The following SGCD variants were observed in gnomAD, a reference collection of about 807,000 sequenced individuals.
SGCD encodes delta-sarcoglycan.
SGCD carries 18 observed loss-of-function variants against 36.6 expected under a neutral mutation model. That is an observed-to-expected ratio of 0.49 (90% CI 0.34 to 0.73). SGCD has a LOEUF of 0.73. SGCD is among the 30% of genes least tolerant of loss of function. SGCD has a pLI of 0.01. For synonymous variants in SGCD, 133 were observed against 130.6 expected, an observed-to-expected ratio of 1.02 and a Z score of -0.12; for missense variants, 387 against 346.7, an observed-to-expected ratio of 1.12 and a Z score of -0.92.
At chr5:156,444,106 CT>C (rs1753640975) in intron 3 of SGCD, among the ~76,000 whole-genome samples, 4 of 107,160 alleles carry the variant, frequency 3.7e-5, no homozygotes, top group African/African-American at 2.1e-4. Flanking sequence ...CTCTCTCTCT[CT>C]CTCTCTCTCC....
intron 3 of SGCD, among the ~76,000 whole-genome samples, chr5:156,178,637 G>A (rs550125546): frequency 2.6e-5 from 4 of 152,272 alleles, no homozygotes; most frequent in Admixed American, 2.6e-4. Flanking sequence ...TCTGATGGAA[G>A]CAGAGATTGC....
intron 3 of SGCD, among the ~76,000 whole-genome samples, chr5:156,142,265 G>C (rs71591051): frequency 6.6e-6 from 1 of 152,118 alleles, no homozygotes; most frequent in African/African-American, 2.4e-5. Context: ...CTTCCTGTAC[G>C]GTCTGCAGAA....
At chr5:156,111,193 T>C (rs970765201) in intron 1 of SGCD, among the ~76,000 whole-genome samples, 3 of 152,088 alleles carry the variant, frequency 2.0e-5, no homozygotes, top group Admixed American at 2.0e-4. Flanking sequence ...TGGGTCAAAG[T>C]GCGTATCTTC....
At chr5:155,963,307 C>T (rs905892875) in intron 1 of SGCD, among the ~76,000 whole-genome samples, 1 of 152,122 alleles carries the variant, frequency 6.6e-6, no homozygotes, top group Non-Finnish European at 1.5e-5. Flanking sequence ...AGTATCTTTT[C>T]ATCAACATGT....
rs141975842 is a variant in SGCD at position 155,899,575 on chromosome 5, G to A, written c.-282+29151G>A. Among the ~76,000 whole-genome samples the A allele has an allele frequency of 6.5e-4, 99 of 152,222 alleles. 4 individuals are homozygous for A. The East Asian group carries it at 0.019, about 29-fold the overall frequency. On this transcript the variant is annotated intron_variant, in intron 1 of 9. Coordinates refer to the SGCD transcript ENST00000517913. Reference sequence around the variant, plus strand: ...CCCATGTGCTGGGAATGATATTTTAGAAGCATGCTTTAGATTAGAAACGTC... The same window carrying A: ...CCCATGTGCTGGGAATGATATTTTAAAAGCATGCTTTAGATTAGAAACGTC...
At chr5:156,131,342 C>T (rs989024541) in intron 3 of SGCD, among the ~76,000 whole-genome samples, 2 of 152,190 alleles carry the variant, frequency 1.3e-5, no homozygotes, top group African/African-American at 4.8e-5. Flanking sequence ...CTGCTCCAGA[C>T]CTCAGTTTCT....
At chr5:155,857,816 T>C in the SGCD span, among the ~76,000 whole-genome samples, 1 of 152,210 alleles carries the variant, frequency 6.6e-6, no homozygotes, top group East Asian at 1.9e-4. Context: ...AGCATGTACT[T>C]AGATGTTACT....
rs552593535 is a variant in SGCD at position 156,721,211 on chromosome 5, G to C, written c.576-36370G>C. On this transcript the variant is annotated intron_variant, in intron 7 of 8. Coordinates refer to ENST00000337851, the MANE Select transcript of SGCD (RefSeq NM_000337.6). ...TGTTTTAAGTTGGATATACAAGTAT[G>C]GAGTTCAAGGCAGAAGATGTCAGTA... Among the ~76,000 whole-genome samples, 19 of 152,288 alleles carry C rather than the reference G, an allele frequency of 1.2e-4. No homozygotes were observed. In the South Asian group the frequency reaches 3.9e-3, roughly 32 times the overall value.
chr5:156,666,634 A>T (rs1238790903), intron 7 of SGCD, among the ~76,000 whole-genome samples: 1 of 128,358 alleles, frequency 7.8e-6, no homozygotes, highest in African/African-American at 3.0e-5. Flanking sequence ...GGGAGTGGTG[A>T]TGACTCTTAA....
chr5:156,221,393 T>G (rs1362060856), intron 3 of SGCD, among the ~76,000 whole-genome samples: 1 of 152,112 alleles, frequency 6.6e-6, no homozygotes, highest in Non-Finnish European at 1.5e-5. Context: ...TGCAATATAG[T>G]TAACAACATG....
chr5:156,650,201 T>G (rs1490711988), intron 7 of SGCD, among the ~76,000 whole-genome samples: 3 of 152,100 alleles, frequency 2.0e-5, no homozygotes, highest in Non-Finnish European at 4.4e-5. Context: ...AAGTTAAACC[T>G]CCACAATTTA....
At chr5:155,727,845 G>C in the SGCD span, among the ~76,000 whole-genome samples, 6 of 152,186 alleles carry the variant, frequency 3.9e-5, no homozygotes, top group Non-Finnish European at 8.8e-5. Flanking sequence ...ACAAGCTCTC[G>C]CTGGGAATCC....
chr5:156,430,706 A>G (rs1309743284), intron 3 of SGCD, among the ~76,000 whole-genome samples: 1 of 151,674 alleles, frequency 6.6e-6, no homozygotes, highest in Non-Finnish European at 1.5e-5. Context: ...TTTAATGATT[A>G]TTTTAGCTTA....
At chr5:155,846,652 A>C in the SGCD span, among the ~76,000 whole-genome samples, 1 of 152,184 alleles carries the variant, frequency 6.6e-6, no homozygotes, top group African/African-American at 2.4e-5. Flanking sequence ...GTATTCACTT[A>C]GCCTATAAAC....
chr5:155,958,287 T>A (rs565787833), intron 1 of SGCD, among the ~76,000 whole-genome samples: 1 of 152,226 alleles, frequency 6.6e-6, no homozygotes, highest in South Asian at 2.1e-4. Flanking sequence ...TTTAGGTATA[T>A]GAACTAAACT....
At chr5:155,995,832 G>A (rs1561676511) in intron 1 of SGCD, among the ~76,000 whole-genome samples, 1 of 152,032 alleles carries the variant, frequency 6.6e-6, no homozygotes, top group African/African-American at 2.4e-5. Flanking sequence ...GCCCCCGAGT[G>A]AGGAAAAAGT....
intron 6 of SGCD, among the ~76,000 whole-genome samples, chr5:156,635,357 A>G (rs926957095): frequency 2.0e-5 from 3 of 152,220 alleles, no homozygotes; most frequent in Non-Finnish European, 4.4e-5. Context: ...ACCAGTTAGA[A>G]TGGCGATCAT....
chr5:156,347,534 G>T (rs1183077547), intron 3 of SGCD, among the ~76,000 whole-genome samples: 1 of 152,084 alleles, frequency 6.6e-6, no homozygotes, highest in Non-Finnish European at 1.5e-5. Flanking sequence ...GAGATGGCTG[G>T]GTGGTGGGTC....
At chr5:156,041,178 G>A (rs1195319411) in intron 1 of SGCD, among the ~76,000 whole-genome samples, 2 of 152,164 alleles carry the variant, frequency 1.3e-5, no homozygotes, top group African/African-American at 4.8e-5. Flanking sequence ...TAAACCAATT[G>A]AAAAGTCAAC....
Sources: gnomAD v4.1 joint callset for allele counts (sites outside exome capture counted in the v4.1 genomes callset) on GRCh38, gnomAD v4.1.1 for gene constraint, MANE v1.5 for transcripts, NCBI Gene and HGNC (gene_info 2026-07-23, HGNC 2026-07-21) for gene names.